Variants in CYP2E1 observed in about 807,000 individuals in gnomAD.
CYP2E1 encodes cytochrome P450 family 2 subfamily E member 1.
Under a neutral mutation model 42.9 loss-of-function variants are expected in CYP2E1, and 31 were observed. The observed-to-expected ratio is 0.72, with a 90% CI of 0.54 to 0.98. The LOEUF (loss-of-function observed/expected upper bound fraction) is 0.98, where lower values mean the gene tolerates loss of function less well. Ranked by LOEUF, CYP2E1 falls within the 50% of genes least tolerant of loss-of-function variation. CYP2E1 has a pLI of 0.00. For missense variants in CYP2E1, 565 were observed against 633.2 expected, an observed-to-expected ratio of 0.89 and a Z score of 1.16; for synonymous variants, 244 against 248.9, an observed-to-expected ratio of 0.98 and a Z score of 0.19.
chr10:133,528,568 G>A lies in CYP2E1; in HGVS notation c.265G>A (p.Ala89Thr). 1 of 1,613,554 alleles carries A rather than the reference G, an allele frequency of 6.2e-7. No individual in the cohort carries two copies. The highest frequency in any genetic ancestry group is 2.2e-5 in the East Asian group (1 of 44,844). ...VMHGYKAVKEALLDYKDEFSG... is the reference protein window; with the variant it reads ...VMHGYKAVKETLLDYKDEFSG... The stretch of plus-strand genomic sequence containing the variant: ...GCACGGCTACAAGGCGGTGAAGGAA[G>A]CGCTGCTGGACTACAAGGACGAGTT... Residue 89 changes from alanine (A) to threonine (T), a missense_variant, in exon 2 of 9, where the codon GCG becomes ACG. Transcript: ENST00000252945.
At chr10:133,530,576 C>A (rs1292944129) in intron 2 of CYP2E1, among the ~76,000 whole-genome samples, 1 of 152,208 alleles carries the variant, frequency 6.6e-6, no homozygotes, top group Non-Finnish European at 1.5e-5. Flanking sequence ...TTTCTGAGCA[C>A]CCTGCAGGCG....
chr10:133,529,278 C>T (rs41299414), intron 2 of CYP2E1, among the ~76,000 whole-genome samples: 1 of 152,288 alleles, frequency 6.6e-6, no homozygotes, highest in East Asian at 1.9e-4. Context: ...AGGAGGGTTG[C>T]GGTCTGGAGG....
At chr10:133,533,155 G>A (rs1851358375) in intron 5 of CYP2E1, among the ~76,000 whole-genome samples, 1 of 152,160 alleles carries the variant, frequency 6.6e-6, no homozygotes, top group Non-Finnish European at 1.5e-5. Context: ...ATTGCATTTT[G>A]TCTGAGGAGA....
intron 2 of CYP2E1, among the ~76,000 whole-genome samples, chr10:133,528,941 C>T (rs866082397): frequency 4.6e-5 from 7 of 152,178 alleles, no homozygotes; most frequent in African/African-American, 1.7e-4. Flanking sequence ...CCTCTGGGCC[C>T]GCAGGCTCCT....
At position 133,528,190 on chromosome 10, in the gene CYP2E1, C is replaced by T. The variant is rs41299406; in HGVS notation, c.178-291C>T. The T allele has an allele frequency of 7.2e-5, 23 of 320,652 alleles. 1 individual carries two copies. The highest frequency in any genetic ancestry group is 4.8e-4 in the African/African-American group (22 of 46,264). 19.9% of individuals were successfully genotyped at this position (320,652 alleles called of 1,614,324 possible). Reference sequence around the variant, plus strand: ...GGCAACGGGGTGGTTGGTGGGCGCGCCTGAGGGAAGGGACGTGAGGAGCCG... The same window carrying T: ...GGCAACGGGGTGGTTGGTGGGCGCGTCTGAGGGAAGGGACGTGAGGAGCCG... On this transcript the variant is annotated intron_variant, in intron 1 of 8. Coordinates refer to ENST00000252945, the MANE Select transcript of CYP2E1 (RefSeq NM_000773.4).
intron 8 of CYP2E1, among the ~76,000 whole-genome samples, chr10:133,538,509 C>A (rs2515642): frequency 6.6e-6 from 1 of 151,978 alleles, no homozygotes; most frequent in Non-Finnish European, 1.5e-5. Flanking sequence ...TGGGCAGACA[C>A]GGTCTTCCCA....
Position 133,532,872 on chromosome 10 carries a change from G to A in CYP2E1, c.825+4G>A. On this transcript the variant is annotated splice_donor_region_variant and intron_variant, in intron 5 of 8. Coordinates refer to ENST00000252945, the MANE Select transcript of CYP2E1 (RefSeq NM_000773.4). ...CCTGCTCGTGGAAATGGAGAAGGTA[G>A]GCTCGGCCCTCCCATGATGTGGGCT... is the stretch of plus-strand genomic sequence containing the variant. 6.3e-7 allele frequency: 1 copy of A among 1,596,410 alleles called. No homozygotes were observed.
In CYP2E1 at chr10:133,538,803, G is replaced by A; in HGVS notation, c.1321G>A (p.Gly441Ser). 6.2e-7 allele frequency: 1 copy of A among 1,614,084 alleles called. No homozygotes were observed. The highest frequency in any genetic ancestry group is 8.5e-7 in the Non-Finnish European group (1 of 1,180,010). The change falls in exon 9 of 9, where the codon GGC becomes AGC. Residue 441 changes from glycine (G) to serine (S), a missense_variant. Physicochemically the swap from Gly to Ser is moderately conservative, Grantham distance 56. Coordinates refer to ENST00000252945, the MANE Select transcript of CYP2E1 (RefSeq NM_000773.4). ...STGKRVCAGE[G>S]LARMELFLLL... ...AGGAAAACGAGTGTGTGCTGGAGAA[G>A]GCCTGGCTCGCATGGAGTTGTTTCT...
chr10:133,528,836 G>A (rs1851304325), intron 2 of CYP2E1, among the ~76,000 whole-genome samples, 196 bp downstream of exon 2: 1 of 152,260 alleles, frequency 6.6e-6, no homozygotes, highest in Non-Finnish European at 1.5e-5. Context: ...GAGTCGCCCA[G>A]GAATCCGGCC....
intron 6 of CYP2E1, among the ~76,000 whole-genome samples, chr10:133,536,012 A>G (rs756951128): frequency 6.6e-6 from 1 of 152,122 alleles, no homozygotes; most frequent in Non-Finnish European, 1.5e-5. Flanking sequence ...GGCAGCTGTT[A>G]CCTCTGTCAG....
chr10:133,532,494 C>G (rs12254222), intron 4 of CYP2E1, among the ~76,000 whole-genome samples, 198 bp from the exon 5 acceptor site: 3 of 152,010 alleles, frequency 2.0e-5, no homozygotes, highest in African/African-American at 7.3e-5. Flanking sequence ...TGTGTATCGA[C>G]CTGTGTGTGC....
At chr10:133,537,676 C>A in intron 7 of CYP2E1, 75 bp from the exon 8 acceptor site, 2 of 1,286,030 alleles carry the variant, frequency 1.6e-6, no homozygotes, top group Non-Finnish European at 1.1e-6. Context: ...AAACTACATT[C>A]TTCACTGGGG....
In CYP2E1 at chr10:133,527,591, A is replaced by G. The variant is rs777284334; in HGVS notation, c.177+19A>G. ...CACCCGGGTAAGAGAAATAGTGTTG[A>G]TTTTAGGGAGAATAACTCAGCAATT... is the stretch of plus-strand genomic sequence containing the variant. On this transcript the variant is annotated intron_variant, in intron 1 of 8. Coordinates refer to ENST00000252945, the MANE Select transcript of CYP2E1 (RefSeq NM_000773.4). 2 of 1,583,432 alleles carry G rather than the reference A, an allele frequency of 1.3e-6. No individual in the cohort carries two copies. The highest frequency in any genetic ancestry group is 1.7e-6 in the Non-Finnish European group (2 of 1,155,244).
chr10:133,531,469 C>T (rs566844146), intron 2 of CYP2E1, 116 bp from the exon 3 acceptor site: 4 of 1,227,408 alleles, frequency 3.3e-6, no homozygotes, highest in East Asian at 2.3e-5. Context: ...CCTCTGCCCC[C>T]TCTGTCACTT....
At position 133,534,684 on chromosome 10, in the gene CYP2E1, G is replaced by A. The variant is rs528269239; in HGVS notation, c.967+787G>A. On this transcript the variant is annotated intron_variant, in intron 6 of 8. Coordinates refer to ENST00000252945, the MANE Select transcript of CYP2E1 (RefSeq NM_000773.4). ...AGGCAGTTCACAGCCTGAGTGGTGT[G>A]TGCCGCCCTCCTCCTGAAGCTGCTG... Among the ~76,000 whole-genome samples, 6 of 152,280 alleles carry A rather than the reference G, an allele frequency of 3.9e-5. No individual in the cohort carries two copies. In the East Asian group the frequency reaches 1.2e-3, roughly 30 times the overall value.
rs58089653 is a variant in CYP2E1 at position 133,531,759 on chromosome 10, C to G, written c.487+25C>G. 6.2e-5 allele frequency: 96 copies of G among 1,557,768 alleles called. 1 individual carries two copies. The African/African-American group carries it at 1.2e-3, about 20-fold the overall frequency. On this transcript the variant is annotated intron_variant, in intron 3 of 8. Transcript: ENST00000252945. Reference sequence around the variant, plus strand: ...GGTGCGTATCTGCTGCCTAGCAGGGCCCAGTCCTCTTGCAGACCAGCGGTG... The same window carrying G: ...GGTGCGTATCTGCTGCCTAGCAGGGGCCAGTCCTCTTGCAGACCAGCGGTG...
At position 133,537,769 on chromosome 10, in the gene CYP2E1, A is replaced by T; in HGVS notation, c.1174A>T (p.Thr392Ser). Reference protein sequence around the residue: ...LIPKGTVVVPTLDSVLYDNQE... With the variant: ...LIPKGTVVVPSLDSVLYDNQE... ...CTCCTAGGGCACAGTCGTAGTGCCAACTCTGGACTCTGTTTTGTATGACAA... is the reference window on the plus strand; with the variant it reads ...CTCCTAGGGCACAGTCGTAGTGCCATCTCTGGACTCTGTTTTGTATGACAA... Residue 392 changes from threonine (T) to serine (S), a missense_variant, in exon 8 of 9, where the codon ACT becomes TCT. Thr to Ser is a moderately conservative substitution (Grantham distance 58, BLOSUM62 1). Coordinates refer to ENST00000252945, the MANE Select transcript of CYP2E1 (RefSeq NM_000773.4). 1.2e-6 allele frequency: 2 copies of T among 1,613,916 alleles called. No homozygotes were observed. Among genetic ancestry groups the T allele is most frequent in the East Asian group, 2.2e-5 (1 of 44,882 alleles).
chr10:133,538,279 A>C (rs1589957505), intron 8 of CYP2E1, among the ~76,000 whole-genome samples: 1 of 152,158 alleles, frequency 6.6e-6, no homozygotes, highest in South Asian at 2.1e-4. Context: ...GTTACCTAGA[A>C]TCATCACAGG....
intron 8 of CYP2E1, among the ~76,000 whole-genome samples, 181 bp downstream of exon 8, chr10:133,538,073 C>T (rs1043864235): frequency 1.4e-5 from 2 of 147,538 alleles, no homozygotes; most frequent in Non-Finnish European, 3.0e-5. Flanking sequence ...AGTTACATAA[C>T]ATCTTTTAGC....
Sources: gnomAD v4.1 joint callset for allele counts (sites outside exome capture counted in the v4.1 genomes callset) on GRCh38, gnomAD v4.1.1 for gene constraint, MANE v1.5 for transcripts, NCBI Gene and HGNC (gene_info 2026-07-23, HGNC 2026-07-21) for gene names.